The following MGAT5 variants were observed in gnomAD, a reference collection of about 807,000 sequenced individuals.
MGAT5 encodes the protein alpha-1,6-mannosylglycoprotein 6-beta-N-acetylglucosaminyltransferase, also known as alpha-1,6-mannosylglycoprotein 6-beta-N-acetylglucosaminyltransferase A.
A neutral mutation model predicts 94.3 loss-of-function variants in MGAT5; 30 were observed. The ratio of observed to expected loss-of-function variants is 0.32; its 90% CI spans 0.24 to 0.43. The LOEUF (loss-of-function observed/expected upper bound fraction) is 0.43, where lower values mean the gene tolerates loss of function less well. MGAT5 is among the 20% of genes least tolerant of loss of function. MGAT5 has a pLI of 1.00. For missense variants in MGAT5, 691 were observed against 905.5 expected (o/e 0.76, Z 3.04); for synonymous variants, 310 against 322.9 (o/e 0.96, Z 0.43).
chr2:134,254,056 G>A (rs143289201), upstream of MGAT5, among the ~76,000 whole-genome samples: 26 of 152,294 alleles, frequency 1.7e-4, 2 homozygotes, highest in African/African-American at 4.1e-4. Context: ...ACACGCAGAC[G>A]CACACTTCCC....
intron 10 of MGAT5, among the ~76,000 whole-genome samples, chr2:134,400,123 C>A (rs1166006886): frequency 6.6e-6 from 1 of 152,090 alleles, no homozygotes; most frequent in Non-Finnish European, 1.5e-5. Context: ...ACATGTGTGT[C>A]CATGGAGCTT....
intron 11 of MGAT5, 134 bp downstream of exon 11, chr2:134,403,271 C>G: frequency 1.3e-6 from 1 of 799,776 alleles, no homozygotes; most frequent in Non-Finnish European, 1.9e-6. Context: ...TTTGCTAGAC[C>G]AATGGCAGCT....
At chr2:134,286,961 T>C (rs1371232170) in intron 2 of MGAT5, among the ~76,000 whole-genome samples, 1 of 152,218 alleles carries the variant, frequency 6.6e-6, no homozygotes, top group Non-Finnish European at 1.5e-5. Flanking sequence ...AGATGTTTCC[T>C]GTGCCTGGTG....
At chr2:134,189,193 C>A (rs1335276262) in intron 1 of MGAT5, among the ~76,000 whole-genome samples, 1 of 152,176 alleles carries the variant, frequency 6.6e-6, no homozygotes, top group East Asian at 1.9e-4. Flanking sequence ...CCAGTCCCCT[C>A]CTTTCCCCTC....
chr2:134,276,543 A>T (rs1363171115), intron 2 of MGAT5, among the ~76,000 whole-genome samples: 1 of 152,236 alleles, frequency 6.6e-6, no homozygotes, highest in African/African-American at 2.4e-5. Flanking sequence ...TCTACTTTAC[A>T]TCAGAAAATA....
intron 1 of MGAT5, among the ~76,000 whole-genome samples, chr2:134,237,123 A>ACGTGTGTGTGTG (rs1553499218): frequency 7.1e-6 from 1 of 140,626 alleles, no homozygotes; most frequent in African/African-American, 2.6e-5. Flanking sequence ...GAAGGAGTAT[A>ACGTGTGTGTGTG]TGTGTGTGTG....
intron 1 of MGAT5, among the ~76,000 whole-genome samples, chr2:134,207,623 C>T (rs1288054011): frequency 6.6e-6 from 1 of 151,730 alleles, no homozygotes. Flanking sequence ...AGATACTGAT[C>T]GTTTACTTCT....
At chr2:134,193,539 C>T (rs1051158081) in intron 1 of MGAT5, among the ~76,000 whole-genome samples, 3 of 152,174 alleles carry the variant, frequency 2.0e-5, no homozygotes, top group Admixed American at 2.0e-4. Context: ...TGTGCCCAGG[C>T]GGTGGTGGAC....
Position 134,307,529 on chromosome 2 carries a change from G to A in MGAT5, c.407-10000G>A, listed in dbSNP as rs548995855. Reference sequence around the variant, plus strand: ...CCGCAAGTGTTTTCAGTTGCCTTCCGGTTTCCTGCTGTGATAACAGTGATA... The same window carrying A: ...CCGCAAGTGTTTTCAGTTGCCTTCCAGTTTCCTGCTGTGATAACAGTGATA... On this transcript the variant is annotated intron_variant, in intron 2 of 15. Transcript: ENST00000281923. Among the ~76,000 whole-genome samples, 106 of 152,062 alleles carry A rather than the reference G, an allele frequency of 7.0e-4. 1 individual carries two copies. Among genetic ancestry groups the A allele is most frequent in the African/African-American group, 1.6e-3 (68 of 41,480 alleles).
chr2:134,201,816 C>CTTTTTTTTT (rs554227745), intron 1 of MGAT5, among the ~76,000 whole-genome samples: 1 of 67,874 alleles, frequency 1.5e-5, no homozygotes, highest in Non-Finnish European at 2.8e-5. Context: ...CCAAGCGCTG[C>CTTTTTTTTT]TTTTTTTTTT....
chr2:134,217,318 T>C (rs1261727635), intron 1 of MGAT5, among the ~76,000 whole-genome samples: 1 of 151,688 alleles, frequency 6.6e-6, no homozygotes, highest in Non-Finnish European at 1.5e-5. Flanking sequence ...GAAATACATC[T>C]TTTTTGAGCA....
chr2:134,231,679 A>G (rs574704161), intron 1 of MGAT5, among the ~76,000 whole-genome samples: 1 of 152,292 alleles, frequency 6.6e-6, no homozygotes, highest in Non-Finnish European at 1.5e-5. Context: ...AATGTTAGAA[A>G]CCCAGACCCT....
At chr2:134,161,741 C>T (rs566900354) in intron 1 of MGAT5, among the ~76,000 whole-genome samples, 6 of 152,144 alleles carry the variant, frequency 3.9e-5, no homozygotes, top group African/African-American at 7.2e-5. Context: ...TCAGCACTTC[C>T]GGCTCTCCTT....
intron 1 of MGAT5, among the ~76,000 whole-genome samples, chr2:134,161,029 A>C (rs1687708618): frequency 6.6e-6 from 1 of 152,230 alleles, no homozygotes; most frequent in South Asian, 2.1e-4. Context: ...TCTGGCTTGA[A>C]GAAGTTAGGA....
At chr2:134,156,836 G>A (rs1467374848) in intron 1 of MGAT5, among the ~76,000 whole-genome samples, 3 of 152,168 alleles carry the variant, frequency 2.0e-5, no homozygotes, top group African/African-American at 7.2e-5. Flanking sequence ...CTTGTGTTAT[G>A]GAGGGAGACG....
chr2:134,153,080 A>AT (rs1456348328), intron 1 of MGAT5, among the ~76,000 whole-genome samples: 1 of 151,528 alleles, frequency 6.6e-6, no homozygotes. Context: ...ATTTTTTTGT[A>AT]TTTTTAGTAG....
chr2:134,208,782 C>T (rs575430724), intron 1 of MGAT5, among the ~76,000 whole-genome samples: 1 of 152,308 alleles, frequency 6.6e-6, no homozygotes, highest in South Asian at 2.1e-4. Flanking sequence ...TAAAACATTA[C>T]CTTACCCACC....
In MGAT5 at chr2:134,392,668, T is replaced by C. The variant is rs557667272; in HGVS notation, c.1381-10320T>C. On this transcript the variant is annotated intron_variant, in intron 10 of 15. Transcript: ENST00000281923. ...CTCGGTATTCTGAGGGGAGAGATTATGTGCATTATTACCAGTGGACACATC... is the reference window on the plus strand; with the variant it reads ...CTCGGTATTCTGAGGGGAGAGATTACGTGCATTATTACCAGTGGACACATC... Among the ~76,000 whole-genome samples the C allele has an allele frequency of 8.5e-5, 13 of 152,352 alleles. No individual in the cohort carries two copies. In the East Asian group the frequency reaches 2.5e-3, roughly 29 times the overall value.
chr2:134,243,700 C>A lies in MGAT5; in HGVS notation c.-142-10562C>A, dbSNP rs553129046. On this transcript the variant is annotated intron_variant, in intron 1 of 16. Coordinates refer to the MGAT5 transcript ENST00000409645. Reference sequence around the variant, plus strand: ...TCACTTCAGATTGTGCATGTGTGTGCACACATATGTATTTCTTCACTGCTT... The same window carrying A: ...TCACTTCAGATTGTGCATGTGTGTGAACACATATGTATTTCTTCACTGCTT... Among the ~76,000 whole-genome samples, 12 of 152,172 alleles carry A rather than the reference C, an allele frequency of 7.9e-5. No homozygotes were observed. In the South Asian group the frequency reaches 2.5e-3, roughly 32 times the overall value.
Sources: allele counts gnomAD v4.1 joint callset (sites outside exome capture counted in the v4.1 genomes callset), GRCh38; gene constraint gnomAD v4.1.1; transcripts MANE v1.5; gene names NCBI Gene and HGNC (gene_info 2026-07-23, HGNC 2026-07-21).